The following CIZ1 variants were observed in gnomAD, a reference collection of about 807,000 sequenced individuals.
CIZ1 encodes the protein CDKN1A interacting zinc finger protein 1.
Under a neutral mutation model 118.6 loss-of-function variants are expected in CIZ1, and 58 were observed. That is an observed-to-expected ratio of 0.49 (90% CI 0.40 to 0.61). The LOEUF (loss-of-function observed/expected upper bound fraction) is 0.61, where lower values mean the gene tolerates loss of function less well. CIZ1 is among the 20% of genes least tolerant of loss of function. The pLI is 0.00. For missense variants in CIZ1, 921 were observed against 1,115.9 expected, an observed-to-expected ratio of 0.83 and a Z score of 2.49; for synonymous variants, 448 against 443.4, an observed-to-expected ratio of 1.01 and a Z score of -0.13.
Position 128,190,374 on chromosome 9 carries a change from T to C in CIZ1, c.241A>G (p.Asn81Asp). 1 of 1,613,938 alleles carries C rather than the reference T, an allele frequency of 6.2e-7. No homozygotes were observed. Among genetic ancestry groups the C allele is most frequent in the Non-Finnish European group, 8.5e-7 (1 of 1,179,908 alleles). Residue 81 changes from asparagine (N) to aspartate (D), a missense_variant, in exon 3 of 17, where the codon AAC (asparagine) becomes GAC (aspartate). Coordinates refer to ENST00000372938, the MANE Select transcript of CIZ1 (RefSeq NM_001131016.2). ...AAAGCTCTCTGCAGCATGGAGCCGT[T>C]GAGGAGGGAGGCTGAGTTGGTGCCC... ...LQGTNSASLL[N>D]GSMLQRALLL...
chr9:128,188,636 T>C (rs1832741954), intron 3 of CIZ1, among the ~76,000 whole-genome samples: 1 of 151,828 alleles, frequency 6.6e-6, no homozygotes, highest in South Asian at 2.1e-4. Context: ...ATTTTCCTTT[T>C]TTTTTTTCTT....
chr9:128,186,364 G>A (rs1271146906), intron 4 of CIZ1, among the ~76,000 whole-genome samples: 1 of 151,988 alleles, frequency 6.6e-6, no homozygotes, highest in South Asian at 2.1e-4. Context: ...GGATTCTGGG[G>A]TATTCCTCAT....
intron 1 of CIZ1, among the ~76,000 whole-genome samples, chr9:128,198,965 C>T (rs988653360): frequency 6.6e-6 from 1 of 152,132 alleles, no homozygotes; most frequent in African/African-American, 2.4e-5. Flanking sequence ...GTCACACTGA[C>T]AACCGTCTAC....
chr9:128,182,551 ACT>A (rs1367099865), intron 5 of CIZ1, among the ~76,000 whole-genome samples: 2 of 151,420 alleles, frequency 1.3e-5, no homozygotes, highest in African/African-American at 4.9e-5. Context: ...GCCTGAAAAC[ACT>A]CTGCACACCC....
At chr9:128,182,611 A>G (rs916583286) in intron 5 of CIZ1, among the ~76,000 whole-genome samples, 2 of 151,888 alleles carry the variant, frequency 1.3e-5, no homozygotes, top group African/African-American at 4.8e-5. Flanking sequence ...TGCCCCGGCC[A>G]TGCCCCCGCA....
At chr9:128,168,521 A>T (rs1237134105) in intron 14 of CIZ1, among the ~76,000 whole-genome samples, 1 of 146,860 alleles carries the variant, frequency 6.8e-6, no homozygotes, top group African/African-American at 2.7e-5. Flanking sequence ...GTCTTGAAAA[A>T]AAAAAAGAAA....
chr9:128,187,833 T>TTATA, intron 4 of CIZ1, 30 bp downstream of exon 4: 3 of 574,126 alleles, frequency 5.2e-6, no homozygotes, highest in Non-Finnish European at 6.4e-6. Context: ...ATATATACAT[T>TTATA]TATATATATA....
At chr9:128,180,616 C>A in intron 6 of CIZ1, 93 bp from the exon 7 acceptor site, 1 of 1,373,154 alleles carries the variant, frequency 7.3e-7, no homozygotes, top group Non-Finnish European at 1.0e-6. Flanking sequence ...CGCCTTCCCA[C>A]CAAGAACCCC....
At chr9:128,180,376 G>A (rs774995413) in intron 7 of CIZ1, 39 bp downstream of exon 7, 2 of 1,489,932 alleles carry the variant, frequency 1.3e-6, no homozygotes, top group Non-Finnish European at 1.9e-6. Flanking sequence ...TGAGAGCACA[G>A]GGCACCCGGG....
intron 1 of CIZ1, 101 bp from the exon 2 acceptor site, chr9:128,190,963 C>T (rs1833063849): frequency 2.1e-6 from 3 of 1,435,506 alleles, no homozygotes. Context: ...CCCGCAGAGA[C>T]TGCTGAGGAG....
At chr9:128,169,860 C>T (rs1209768390) in intron 12 of CIZ1, among the ~76,000 whole-genome samples, 160 bp downstream of exon 12, 4 of 152,196 alleles carry the variant, frequency 2.6e-5, no homozygotes, top group African/African-American at 7.2e-5. Context: ...ACCTGAAGCC[C>T]GAAGAAGAAA....
rs572459846 is a variant in CIZ1 at position 128,181,915 on chromosome 9, C to T, written c.589-1101G>A. Among the ~76,000 whole-genome samples the T allele has an allele frequency of 4.6e-5, 7 of 152,330 alleles. No homozygotes were observed. In the East Asian group the frequency reaches 7.7e-4, roughly 17 times the overall value. On this transcript the variant is annotated intron_variant, in intron 5 of 16. Transcript: ENST00000372938. ...CTGTGATGCTGTGCTTCAGTGGTCA[C>T]GCTCCTAGTCTGCCTTCATGTTCCA... is the stretch of plus-strand genomic sequence containing the variant.
chr9:128,180,287 A>G, intron 7 of CIZ1, 128 bp downstream of exon 7: 1 of 680,974 alleles, frequency 1.5e-6, no homozygotes, highest in East Asian at 2.6e-5. Context: ...TCCAAATCAG[A>G]GGCCAAGGCC....
chr9:128,193,811 C>G (rs1409428111), upstream of CIZ1, among the ~76,000 whole-genome samples: 1 of 152,160 alleles, frequency 6.6e-6, no homozygotes, highest in African/African-American at 2.4e-5. Flanking sequence ...TCGTGACTCC[C>G]CTGCCTTGTG....
At chr9:128,199,487 A>T (rs540271626) in intron 1 of CIZ1, among the ~76,000 whole-genome samples, 2 of 152,196 alleles carry the variant, frequency 1.3e-5, no homozygotes, top group East Asian at 3.9e-4. Flanking sequence ...GATCACTTGA[A>T]ACCAGGAGTT....
At chr9:128,190,255 T>G in intron 3 of CIZ1, 74 bp downstream of exon 3, 36 of 1,047,776 alleles carry the variant, frequency 3.4e-5, no homozygotes, top group Non-Finnish European at 5.1e-5. Context: ...TGTGTGGAGT[T>G]GAGATTTAGA....
At chr9:128,175,918 C>T (rs929006983) in intron 11 of CIZ1, among the ~76,000 whole-genome samples, 1 of 152,148 alleles carries the variant, frequency 6.6e-6, no homozygotes, top group Admixed American at 6.5e-5. Flanking sequence ...TAGTTCCAGA[C>T]CCCAGGAGGG....
intron 11 of CIZ1, 130 bp downstream of exon 11, chr9:128,176,221 A>G: frequency 8.7e-7 from 1 of 1,150,636 alleles, no homozygotes; most frequent in South Asian, 1.5e-5. Context: ...CACACAGTTA[A>G]CAGTGTGAGG....
Position 128,203,045 on chromosome 9 carries a change from C to T in CIZ1, c.-6+1141G>A, listed in dbSNP as rs1356647375. ...ATCTCGGAGTTCTGACCTCTGAGGT[C>T]AGGAGGCTGTGACCTCAGAGGAAGC... On this transcript the variant is annotated intron_variant, in intron 1 of 17. Transcript: ENST00000372948. The surrounding 1 kb of genome is among the most constrained non-coding windows in gnomAD (Gnocchi z 5.3). 7 of 152,180 alleles carry T rather than the reference C, an allele frequency of 4.6e-5. No individual in the cohort carries two copies. The highest frequency in any genetic ancestry group is 8.8e-5 in the Non-Finnish European group (6 of 68,038). 9.4% of individuals were successfully genotyped at this position (152,180 alleles called of 1,614,324 possible). A position where few individuals can be genotyped will look rare whatever the true frequency, so the allele number is the denominator to read the frequency against.
Sources: gnomAD v4.1 joint callset for allele counts (sites outside exome capture counted in the v4.1 genomes callset) on GRCh38, gnomAD v4.1.1 for gene constraint, Gnocchi (gnomAD v3.1) non-coding constraint, MANE v1.5 for transcripts, NCBI Gene and HGNC (gene_info 2026-07-23, HGNC 2026-07-21) for gene names.